The following DNAH11 variants were observed in gnomAD, a reference collection of about 807,000 sequenced individuals.
DNAH11 encodes axonemal beta dynein heavy chain 11.
DNAH11 carries 442 observed loss-of-function variants against 526.0 expected under a neutral mutation model. That is an observed-to-expected ratio of 0.84 (90% CI 0.78 to 0.91). DNAH11 has a LOEUF of 0.91. Among genes scored for constraint, DNAH11 ranks in the 40% least tolerant of loss-of-function variants. DNAH11 has a pLI of 0.00. For missense variants in DNAH11, 6,989 were observed against 5,448.7 expected, an observed-to-expected ratio of 1.28 and a Z score of -8.90; for synonymous variants, 2,461 against 1,935.9, an observed-to-expected ratio of 1.27 and a Z score of -7.12.
At chr7:21,839,269 A>G (rs558238390) in intron 65 of DNAH11, among the ~76,000 whole-genome samples, 100 of 152,234 alleles carry the variant, frequency 6.6e-4, no homozygotes, top group African/African-American at 2.4e-3. Flanking sequence ...GGAAGAATAA[A>G]TCACTATATT....
chr7:21,726,731 G>C (rs1044499201), intron 45 of DNAH11, among the ~76,000 whole-genome samples: 2 of 149,584 alleles, frequency 1.3e-5, no homozygotes, highest in Non-Finnish European at 3.0e-5. Context: ...TGTGGTGGCG[G>C]GCGCCTGTAG....
chr7:21,590,308 A>G (rs1784626894), intron 12 of DNAH11, among the ~76,000 whole-genome samples: 1 of 152,228 alleles, frequency 6.6e-6, no homozygotes, highest in African/African-American at 2.4e-5. Flanking sequence ...GACATAAAAT[A>G]AGCTTTCTTT....
intron 28 of DNAH11, among the ~76,000 whole-genome samples, chr7:21,643,422 T>C (rs564523925): frequency 5.3e-5 from 8 of 152,296 alleles, no homozygotes; most frequent in African/African-American, 1.4e-4. Flanking sequence ...AACATTTAAC[T>C]TCTCCATAAA....
chr7:21,852,632 G>A lies in DNAH11; in HGVS notation c.11061+1G>A. ...CACCGTGGCAGAGATAGAGCACAAG[G>A]TAGGAAGGGCAGAGGGTGCCTGGCA... On this transcript the variant is annotated splice_donor_variant, in intron 67 of 81. Transcript: ENST00000409508. LOFTEE classifies it high-confidence loss of function. 1 of 1,581,974 alleles carries A rather than the reference G, an allele frequency of 6.3e-7. No homozygotes were observed. The highest frequency in any genetic ancestry group is 8.6e-7 in the Non-Finnish European group (1 of 1,166,480).
chr7:21,624,498 C>T (rs1786238563), intron 25 of DNAH11, among the ~76,000 whole-genome samples: 2 of 152,152 alleles, frequency 1.3e-5, no homozygotes, highest in Non-Finnish European at 2.9e-5. Context: ...ATTATGTCAT[C>T]AGCAAACAGA....
chr7:21,871,867 A>T (rs189976411), intron 73 of DNAH11, among the ~76,000 whole-genome samples: 13 of 151,990 alleles, frequency 8.6e-5, no homozygotes, highest in Admixed American at 8.5e-4. Flanking sequence ...TCAAGCCTGT[A>T]ATCCCAGCAC....
At position 21,591,001 on chromosome 7, in the gene DNAH11, GA is replaced by G; in HGVS notation, c.2257del (p.Arg753GlyfsTer5). On this transcript the variant is annotated frameshift_variant, in exon 13 of 82. Coordinates refer to ENST00000409508, the MANE Select transcript of DNAH11 (RefSeq NM_001277115.2). LOFTEE classifies it high-confidence loss of function. ...IPDSALAIFK[K>X]RNTILKYIGN... ...CAGATTCAGCTTTAGCCATCTTCAAGAAAAGGAACACTATTTTAAAGGTTTG... is the reference window on the plus strand; with the variant it reads ...CAGATTCAGCTTTAGCCATCTTCAAGAAAGGAACACTATTTTAAAGGTTTG... 6.6e-7 allele frequency: 1 copy of G among 1,513,246 alleles called. No individual in the cohort carries two copies. 93.7% of individuals were successfully genotyped at this position (1,513,246 alleles called of 1,614,324 possible).
At chr7:21,893,158 T>C (rs936842295) in intron 77 of DNAH11, among the ~76,000 whole-genome samples, 7 of 152,228 alleles carry the variant, frequency 4.6e-5, no homozygotes, top group African/African-American at 1.7e-4. Flanking sequence ...TATGCAAAGG[T>C]AACTCCCAAA....
chr7:21,656,157 G>T (rs145340692), intron 29 of DNAH11, among the ~76,000 whole-genome samples, 176 bp downstream of exon 29: 2 of 152,070 alleles, frequency 1.3e-5, no homozygotes, highest in African/African-American at 4.8e-5. Context: ...TCTGCCATGC[G>T]TCCCAGTTTC....
intron 61 of DNAH11, among the ~76,000 whole-genome samples, chr7:21,789,817 T>TCC (rs1788380025): frequency 2.9e-5 from 2 of 69,462 alleles, no homozygotes; most frequent in African/African-American, 9.1e-5. Flanking sequence ...TTTTTCTTTC[T>TCC]TTCTTTCTTT....
intron 74 of DNAH11, among the ~76,000 whole-genome samples, chr7:21,877,272 C>T (rs967919492): frequency 6.6e-6 from 1 of 152,096 alleles, no homozygotes; most frequent in Non-Finnish European, 1.5e-5. Context: ...TGCAGCAGCA[C>T]ACTTATAGCT....
rs765948270 is a variant in DNAH11, at chr7:21,899,370, G to C, written c.13084G>C (p.Asp4362His). ...NDLLLRCREL[D>H]TWTQDLTLPA... ...CCTCCTCCTGCGATGCCGAGAACTC[G>C]ATACTTGGACACAAGACCTTACCCT... Residue 4362 changes from aspartate to histidine, a missense_variant, in exon 80 of 82, where the codon GAT becomes CAT. By Grantham distance (81) the Asp-to-His change is moderately conservative. Transcript: ENST00000409508. The C allele has an allele frequency of 5.0e-6, 8 of 1,613,806 alleles. No individual in the cohort carries two copies. The highest frequency in any genetic ancestry group is 1.1e-5 in the South Asian group (1 of 91,074).
At chr7:21,841,500 T>C (rs10256755) in intron 65 of DNAH11, among the ~76,000 whole-genome samples, 14,472 of 152,232 alleles carry the variant, frequency 0.095, 2,257 homozygotes, top group African/African-American at 0.33. Context: ...ACGTTCCCCA[T>C]GTCTGCCTGG....
chr7:21,678,825 C>G (rs1783016627), intron 30 of DNAH11, among the ~76,000 whole-genome samples: 1 of 151,976 alleles, frequency 6.6e-6, no homozygotes, highest in African/African-American at 2.4e-5. Flanking sequence ...TATGAACATT[C>G]CTCAAAATAT....
chr7:21,728,890 G>T (rs898576611), intron 45 of DNAH11, among the ~76,000 whole-genome samples: 4 of 152,222 alleles, frequency 2.6e-5, no homozygotes, highest in African/African-American at 9.6e-5. Context: ...AATCTTCTTT[G>T]GCTCAATGCC....
At chr7:21,553,558 AG>A (rs1355375886) in intron 2 of DNAH11, among the ~76,000 whole-genome samples, 1 of 152,170 alleles carries the variant, frequency 6.6e-6, no homozygotes, top group Non-Finnish European at 1.5e-5. Flanking sequence ...CCTACTCAGA[AG>A]GAACTCCCCC....
At chr7:21,810,794 A>C (rs1665301281) in intron 63 of DNAH11, among the ~76,000 whole-genome samples, 1 of 152,124 alleles carries the variant, frequency 6.6e-6, no homozygotes, top group African/African-American at 2.4e-5. Context: ...TGACTAGCAG[A>C]AGAGTTAAGA....
intron 44 of DNAH11, among the ~76,000 whole-genome samples, chr7:21,725,433 A>C (rs1230654475): frequency 6.6e-6 from 1 of 152,250 alleles, no homozygotes; most frequent in African/African-American, 2.4e-5. Context: ...CAGAGAAGCT[A>C]TAAGCTCAGA....
intron 11 of DNAH11, 65 bp from the exon 12 acceptor site, chr7:21,589,143 A>G (rs1784584028): frequency 3.2e-6 from 4 of 1,256,692 alleles, no homozygotes; most frequent in Non-Finnish European, 3.3e-6. Context: ...GTATTACTAT[A>G]CAATTATTAA....
Sources: allele counts gnomAD v4.1 joint callset (sites outside exome capture counted in the v4.1 genomes callset), GRCh38; gene constraint gnomAD v4.1.1; transcripts MANE v1.5; gene names NCBI Gene and HGNC (gene_info 2026-07-23, HGNC 2026-07-21).